DPPA2: variants seen among roughly 807,000 people sequenced by gnomAD.
DPPA2 encodes developmental pluripotency associated 2, also known as developmental pluripotency-associated protein 2.
DPPA2 carries 26 observed loss-of-function variants against 36.2 expected under a neutral mutation model. The observed-to-expected ratio is 0.72, with a 90% CI of 0.53 to 1.00. The LOEUF is 1.00. DPPA2 is among the 50% of genes least tolerant of loss of function. The pLI is 0.00. For synonymous variants in DPPA2, 113 were observed against 123.2 expected (o/e 0.92, Z 0.55); for missense variants, 361 against 365.1 (o/e 0.99, Z 0.09).
chr3:109,308,425 C>A, intron 5 of DPPA2, 132 bp from the exon 6 acceptor site: 13 of 1,238,268 alleles, frequency 1.0e-5, no homozygotes. Flanking sequence ...TGCAATGGCA[C>A]GATCTCGGCT....
chr3:109,300,277 G>T, intron 8 of DPPA2, 94 bp downstream of exon 8: 1 of 998,912 alleles, frequency 1.0e-6, no homozygotes, highest in Non-Finnish European at 1.5e-6. Context: ...GTGAATAGGG[G>T]GAAGGCAGAG....
intron 7 of DPPA2, among the ~76,000 whole-genome samples, chr3:109,302,104 C>T (rs751001214): frequency 3.9e-5 from 6 of 152,176 alleles, no homozygotes; most frequent in South Asian, 4.1e-4. Context: ...GTTCTGTCTT[C>T]GCTGTCCACC....
chr3:109,307,463 C>T (rs913255304), intron 6 of DPPA2, among the ~76,000 whole-genome samples: 9 of 151,442 alleles, frequency 5.9e-5, no homozygotes, highest in South Asian at 2.1e-4. Context: ...ATTAGCTGGG[C>T]GTGGTGGTGG....
At chr3:109,310,152 T>C (rs1429985353) in intron 3 of DPPA2, among the ~76,000 whole-genome samples, 4 of 144,484 alleles carry the variant, frequency 2.8e-5, no homozygotes, top group African/African-American at 1.0e-4. Context: ...CGCTTGAACC[T>C]GGGAGGCGGA....
intron 7 of DPPA2, 120 bp downstream of exon 7, chr3:109,304,355 A>G (rs1020957793): frequency 2.9e-6 from 3 of 1,041,156 alleles, no homozygotes; most frequent in East Asian, 2.8e-5. Context: ...TGCCTGATCT[A>G]TGTGGCAAAT....
At chr3:109,310,935 G>C (rs547972299) in intron 3 of DPPA2, among the ~76,000 whole-genome samples, 1 of 152,158 alleles carries the variant, frequency 6.6e-6, no homozygotes, top group East Asian at 1.9e-4. Context: ...CTCAGTAGCT[G>C]GGACTACAGG....
rs148281271 is a variant in DPPA2, at chr3:109,306,219, T to C, written c.659-1549A>G. Reference sequence around the variant, plus strand: ...CAGCAGATGCTTAACAATTGCAGAATGAAGAGAAATATAAAATGATAAGTC... The same window carrying C: ...CAGCAGATGCTTAACAATTGCAGAACGAAGAGAAATATAAAATGATAAGTC... On this transcript the variant is annotated intron_variant, in intron 6 of 8. Transcript: ENST00000478945. Among the ~76,000 whole-genome samples the C allele has an allele frequency of 8.7e-3, 1,329 of 152,254 alleles. 14 individuals carry two copies. The highest frequency in any genetic ancestry group is 0.013 in the Non-Finnish European group (901 of 68,028).
At chr3:109,308,611 C>T (rs1707626629) in intron 5 of DPPA2, among the ~76,000 whole-genome samples, 1 of 152,198 alleles carries the variant, frequency 6.6e-6, no homozygotes, top group Non-Finnish European at 1.5e-5. Context: ...ATCCACCCGC[C>T]TCGGCCTCCC....
chr3:109,310,640 G>A (rs1240285415), intron 3 of DPPA2, among the ~76,000 whole-genome samples: 2 of 151,422 alleles, frequency 1.3e-5, no homozygotes, highest in Non-Finnish European at 1.5e-5. Flanking sequence ...CGAGTAGGTG[G>A]GACTACAGGC....
rs781007136 is a variant in DPPA2 at position 109,309,355 on chromosome 3, AG to A, written c.182-26del. 24 of 1,611,322 alleles carry A rather than the reference AG, an allele frequency of 1.5e-5. No homozygotes were observed. In the East Asian group the frequency reaches 3.3e-4, roughly 22 times the overall value. ...CCTAAGACAAGAATGGAACCAAAGT[AG>A]TAATAATTTAAAGTTGGCAAGATTA... On this transcript the variant is annotated intron_variant, in intron 3 of 8. Coordinates refer to ENST00000478945, the MANE Select transcript of DPPA2 (RefSeq NM_138815.4).
intron 8 of DPPA2, among the ~76,000 whole-genome samples, chr3:109,295,981 A>G (rs1576813713): frequency 6.6e-6 from 1 of 152,342 alleles, no homozygotes; most frequent in East Asian, 1.9e-4. Flanking sequence ...ACAAATGTCA[A>G]TAGAAACCTC....
intron 7 of DPPA2, among the ~76,000 whole-genome samples, chr3:109,303,027 C>T (rs1576818211): frequency 6.6e-6 from 1 of 152,148 alleles, no homozygotes; most frequent in East Asian, 1.9e-4. Context: ...CCTCCACTCC[C>T]CAAACTCATT....
intron 3 of DPPA2, among the ~76,000 whole-genome samples, chr3:109,311,735 C>T (rs369183426): frequency 2.9e-4 from 43 of 150,642 alleles, no homozygotes; most frequent in Non-Finnish European, 4.4e-4. Flanking sequence ...AACAAAACTC[C>T]GTCTCCAGAA....
At chr3:109,309,899 T>G (rs1707665733) in intron 3 of DPPA2, among the ~76,000 whole-genome samples, 1 of 151,272 alleles carries the variant, frequency 6.6e-6, no homozygotes, top group Non-Finnish European at 1.5e-5. Flanking sequence ...CCGGCCAACA[T>G]GGTAAAACCC....
intron 3 of DPPA2, among the ~76,000 whole-genome samples, chr3:109,311,319 T>A (rs1361849118): frequency 6.6e-6 from 1 of 152,202 alleles, no homozygotes; most frequent in Admixed American, 6.5e-5. Context: ...TCCACATCAT[T>A]CTGTCAGCCT....
chr3:109,312,697 A>G lies in DPPA2; in HGVS notation c.34-5T>C. 1 of 1,612,826 alleles carries G rather than the reference A, an allele frequency of 6.2e-7. No individual in the cohort carries two copies. Among genetic ancestry groups the G allele is most frequent in the Middle Eastern group, 1.7e-4 (1 of 6,048 alleles). ...TACTTCCCCCTCCAAGAAATTCTGG[A>G]AAGAGAAGTCAGTCACTGATTTTCA... On this transcript the variant is annotated splice_polypyrimidine_tract_variant and splice_region_variant and intron_variant, in intron 2 of 8. Coordinates refer to ENST00000478945, the MANE Select transcript of DPPA2 (RefSeq NM_138815.4).
chr3:109,297,974 G>A (rs984938765), intron 8 of DPPA2, among the ~76,000 whole-genome samples: 8 of 152,098 alleles, frequency 5.3e-5, no homozygotes, highest in Non-Finnish European at 8.8e-5. Flanking sequence ...AGCTGGGTAC[G>A]GTGGCACACA....
At chr3:109,311,745 A>C (rs1393747169) in intron 3 of DPPA2, among the ~76,000 whole-genome samples, 1 of 151,682 alleles carries the variant, frequency 6.6e-6, no homozygotes, top group African/African-American at 2.4e-5. Context: ...CGTCTCCAGA[A>C]AAATTTAAAA....
At chr3:109,306,085 A>G (rs115941965) in intron 6 of DPPA2, among the ~76,000 whole-genome samples, 2,641 of 152,316 alleles carry the variant, frequency 0.017, 36 homozygotes, top group Non-Finnish European at 0.027. Flanking sequence ...CATATCTGTA[A>G]ATAAGCAGTA....
Sources: gnomAD v4.1 joint callset for allele counts (sites outside exome capture counted in the v4.1 genomes callset) on GRCh38, gnomAD v4.1.1 for gene constraint, MANE v1.5 for transcripts, NCBI Gene and HGNC (gene_info 2026-07-23, HGNC 2026-07-21) for gene names.